The following YME1L1 variants were observed in gnomAD, a reference collection of about 807,000 sequenced individuals.
YME1L1 encodes the protein YME1 like 1 ATPase.
A neutral mutation model predicts 90.4 loss-of-function variants in YME1L1; 39 were observed. The observed-to-expected ratio is 0.43, with a 90% CI of 0.33 to 0.56. YME1L1 has a LOEUF of 0.56. Ranked by LOEUF, YME1L1 falls within the 20% of genes least tolerant of loss-of-function variation. The pLI is 0.03. For missense variants in YME1L1, 617 were observed against 868.4 expected (o/e 0.71, Z 3.64); for synonymous variants, 284 against 287.3 (o/e 0.99, Z 0.12).
rs771866707 is a variant in YME1L1, at chr10:27,154,355, C to T, written c.-145G>A. On this transcript the variant is annotated 5_prime_UTR_variant, in exon 1 of 19. Transcript: ENST00000376016. The stretch of plus-strand genomic sequence containing the variant: ...TCCTCCCAGAAACGGAAAATGGCCT[C>T]CCCTTCCTACAGCTACTGCAACGAC... The T allele has an allele frequency of 1.2e-4, 108 of 915,158 alleles. No individual in the cohort carries two copies. Among genetic ancestry groups the T allele is most frequent in the Non-Finnish European group, 1.7e-4 (105 of 607,582 alleles). The allele number at this position is 915,158 out of a possible 1,614,324, so 56.7% of individuals were successfully genotyped here. A position where few individuals can be genotyped will look rare whatever the true frequency, so the allele number is the denominator to read the frequency against.
chr10:27,137,752 C>T (rs1220276315), intron 4 of YME1L1, among the ~76,000 whole-genome samples: 1 of 151,974 alleles, frequency 6.6e-6, no homozygotes, highest in East Asian at 1.9e-4. Flanking sequence ...ATTTTTATTT[C>T]TTTAGTAAAT....
At chr10:27,119,163 A>G (rs2056841514) in intron 14 of YME1L1, 131 bp downstream of exon 14, 1 of 910,566 alleles carries the variant, frequency 1.1e-6, no homozygotes, top group Admixed American at 2.9e-5. Context: ...AAACCCAGAC[A>G]CTGAAGTTTT....
In YME1L1 at chr10:27,119,538, T is replaced by C. The variant is rs974724596; in HGVS notation, c.1412-89A>G. 2.2e-5 allele frequency: 31 copies of C among 1,418,692 alleles called. No homozygotes were observed. The Admixed American group carries it at 2.4e-4, about 11-fold the overall frequency. 87.9% of individuals were successfully genotyped at this position (1,418,692 alleles called of 1,614,324 possible). On this transcript the variant is annotated intron_variant, in intron 13 of 18. Coordinates refer to ENST00000376016, the MANE Select transcript of YME1L1 (RefSeq NM_014263.4). Reference sequence around the variant, plus strand: ...AGAACTCACATTCCAACTGGGTGCGTTGGCTCATGCCTGTAATCCCAGCAC... The same window carrying C: ...AGAACTCACATTCCAACTGGGTGCGCTGGCTCATGCCTGTAATCCCAGCAC...
intron 7 of YME1L1, among the ~76,000 whole-genome samples, chr10:27,133,730 ATTTG>A (rs1016476807): frequency 2.6e-5 from 4 of 152,166 alleles, no homozygotes; most frequent in East Asian, 3.9e-4. Flanking sequence ...AATAAACTGA[ATTTG>A]TTTATCTTTG....
In YME1L1 at chr10:27,110,904, G is replaced by T. The variant is rs1033450450; in HGVS notation, c.*1073C>A. On this transcript the variant is annotated 3_prime_UTR_variant, in exon 19 of 19. Transcript: ENST00000376016. ...TTTTTTTGAGACAGAGTCTCACTCT[G>T]TCACCCAGGCTGGAGTGCAGTGGCT... 3.9e-5 allele frequency: 6 copies of T among 152,004 alleles called. No individual in the cohort carries two copies. Among genetic ancestry groups the T allele is most frequent in the African/African-American group, 1.5e-4 (6 of 41,378 alleles). 9.4% of individuals were successfully genotyped at this position (152,004 alleles called of 1,614,324 possible). A position where few individuals can be genotyped will look rare whatever the true frequency, so the allele number is the denominator to read the frequency against.
intron 3 of YME1L1, 139 bp downstream of exon 3, chr10:27,145,289 C>CAAA (rs57762952): frequency 3.0e-5 from 15 of 496,498 alleles, no homozygotes; most frequent in Admixed American, 5.9e-5. Flanking sequence ...TGAAAAATTG[C>CAAA]AAAAAAAAAA....
At position 27,114,862 on chromosome 10, in the gene YME1L1, T is replaced by C. The variant is rs141113502; in HGVS notation, c.1921-255A>G. Among the ~76,000 whole-genome samples, 235 of 151,910 alleles carry C rather than the reference T, an allele frequency of 1.5e-3. 1 individual carries two copies. The highest frequency in any genetic ancestry group is 5.3e-3 in the African/African-American group (219 of 41,438). On this transcript the variant is annotated intron_variant, in intron 17 of 18. Transcript: ENST00000376016. ...GGAAACACGGAGAAACGCCATTTCT[T>C]CTAAAAACACAAAAAATAGCTGGGC...
In YME1L1 at chr10:27,111,176, C is replaced by T. The variant is rs1485748841; in HGVS notation, c.*801G>A. ...GCTCAAGCAATTCTCCTGCCTTGGC[C>T]CCCAGAGTAGCTGGGATTATAAGCA... On this transcript the variant is annotated 3_prime_UTR_variant, in exon 19 of 19. Coordinates refer to ENST00000376016, the MANE Select transcript of YME1L1 (RefSeq NM_014263.4). The T allele has an allele frequency of 6.6e-6, 1 of 152,572 alleles. No homozygotes were observed. Among genetic ancestry groups the T allele is most frequent in the Non-Finnish European group, 1.5e-5 (1 of 68,294 alleles). 9.5% of individuals were successfully genotyped at this position (152,572 alleles called of 1,614,324 possible). A position where few individuals can be genotyped will look rare whatever the true frequency, so the allele number is the denominator to read the frequency against.
chr10:27,125,458 G>GA (rs68143135), intron 9 of YME1L1, among the ~76,000 whole-genome samples: 68,759 of 107,434 alleles, frequency 0.64, 22,089 homozygotes, highest in Middle Eastern at 0.72. Flanking sequence ...TGTTTCATTT[G>GA]AAAAAAAAAA....
intron 3 of YME1L1, among the ~76,000 whole-genome samples, chr10:27,142,938 T>C (rs1048588391): frequency 3.3e-5 from 5 of 152,042 alleles, no homozygotes; most frequent in Admixed American, 6.5e-5. Context: ...GATGTGGTCT[T>C]GATCTCCTGA....
intron 9 of YME1L1, among the ~76,000 whole-genome samples, chr10:27,125,458 G>GAAAAAAAA (rs68143135): frequency 1.9e-5 from 2 of 107,690 alleles, no homozygotes; most frequent in African/African-American, 3.6e-5. Flanking sequence ...TGTTTCATTT[G>GAAAAAAAA]AAAAAAAAAA....
At chr10:27,141,428 C>G (rs913840133) in intron 4 of YME1L1, among the ~76,000 whole-genome samples, 10 of 152,068 alleles carry the variant, frequency 6.6e-5, no homozygotes, top group African/African-American at 2.2e-4. Flanking sequence ...AAATGGGTAT[C>G]CTCAACACTA....
rs2135829464 is a variant in YME1L1, at chr10:27,110,961, T to G, written c.*1016A>C. 1 of 152,108 alleles carries G rather than the reference T, an allele frequency of 6.6e-6. No homozygotes were observed. The highest frequency in any genetic ancestry group is 2.4e-5 in the African/African-American group (1 of 41,490). 9.4% of individuals were successfully genotyped at this position (152,108 alleles called of 1,614,324 possible). A position where few individuals can be genotyped will look rare whatever the true frequency, so the allele number is the denominator to read the frequency against. Reference sequence around the variant, plus strand: ...ATCTTGGCTCACTGCAACCTCCACCTCCTGGGTTCAAGCAATTCTCGTGCC... The same window carrying G: ...ATCTTGGCTCACTGCAACCTCCACCGCCTGGGTTCAAGCAATTCTCGTGCC... On this transcript the variant is annotated 3_prime_UTR_variant, in exon 19 of 19. Transcript: ENST00000376016.
intron 8 of YME1L1, among the ~76,000 whole-genome samples, chr10:27,128,166 T>C (rs1242430464): frequency 6.6e-6 from 1 of 152,184 alleles, no homozygotes; most frequent in Non-Finnish European, 1.5e-5. Context: ...TATATATAAG[T>C]GTGCCCATAT....
rs1388915740 is a variant in YME1L1 at position 27,116,330 on chromosome 10, C to T, written c.1735G>A (p.Glu579Lys). The T allele has an allele frequency of 6.2e-7, 1 of 1,614,020 alleles. No homozygotes were observed. The highest frequency in any genetic ancestry group is 1.1e-5 in the South Asian group (1 of 91,054). The change falls in exon 16 of 19, where the codon GAG becomes AAG. Residue 579 changes from glutamate to lysine, a missense_variant. Around this residue, in one of 4 missense-constraint regions of YME1L1, gnomAD observed 212 missense variants for 330.0 expected, o/e 0.64. Transcript: ENST00000376016. ...CTAGTTTCATTCCATCTGTCATTCTCAGGTAACAGGGACACCTAGACAATT... is the reference window on the plus strand; with the variant it reads ...CTAGTTTCATTCCATCTGTCATTCTTAGGTAACAGGGACACCTAGACAATT... ...PTLGHVSLLP[E>K]NDRWNETRAQ...
At chr10:27,121,576 GC>G in intron 11 of YME1L1, 128 bp from the exon 12 acceptor site, 1 of 661,098 alleles carries the variant, frequency 1.5e-6, no homozygotes, top group Non-Finnish European at 2.7e-6. Flanking sequence ...CTAGGCTGAA[GC>G]GCACCAGTAT....
rs181988218 is a variant in YME1L1 at position 27,119,140 on chromosome 10, T to C, written c.1567+154A>G. ...GTTGGGAATTTTGTAAAATCATTTA[T>C]TACAAATCTTGAAAACCCAGACACT... is the stretch of plus-strand genomic sequence containing the variant. On this transcript the variant is annotated intron_variant, in intron 14 of 18. Transcript: ENST00000376016. 4.1e-4 allele frequency among the ~76,000 whole-genome samples: 62 copies of C among 152,358 alleles called. No individual in the cohort carries two copies. The East Asian group carries it at 0.012, about 29-fold the overall frequency.
intron 1 of YME1L1, among the ~76,000 whole-genome samples, chr10:27,150,910 A>G (rs991421884): frequency 1.1e-4 from 15 of 137,984 alleles, no homozygotes; most frequent in African/African-American, 4.0e-4. Flanking sequence ...CACTTTATAG[A>G]CTCTCTCGCC....
chr10:27,115,160 G>C (rs996612570), intron 17 of YME1L1, among the ~76,000 whole-genome samples: 2 of 152,114 alleles, frequency 1.3e-5, no homozygotes, highest in African/African-American at 4.8e-5. Flanking sequence ...GGCTGAGGCA[G>C]GAGAATCGCT....
Sources: gnomAD v4.1 joint callset for allele counts (sites outside exome capture counted in the v4.1 genomes callset) on GRCh38, gnomAD v4.1.1 for gene constraint, gnomAD v4.1.1 regional missense constraint, MANE v1.5 for transcripts, NCBI Gene and HGNC (gene_info 2026-07-23, HGNC 2026-07-21) for gene names.